The following APOL6 variants were observed in gnomAD, a reference collection of about 807,000 sequenced individuals.
APOL6 encodes apolipoprotein L, 6.
Under a neutral mutation model 2.4 loss-of-function variants are expected in APOL6, and 1 was observed. That is an observed-to-expected ratio of 0.41 (90% CI 0.15 to 1.94). APOL6 has a LOEUF of 1.94. APOL6 is among the 30% of genes most tolerant of loss of function. APOL6 has a pLI of 0.30. For synonymous variants in APOL6, 189 were observed against 169.3 expected (o/e 1.12, Z -0.90); for missense variants, 438 against 429.2 (o/e 1.02, Z -0.18).
At position 35,666,968 on chromosome 22, in the gene APOL6, A is replaced by T. The variant is rs1179420489; in HGVS notation, c.*7372A>T. 6.6e-6 allele frequency: 1 copy of T among 152,244 alleles called. No homozygotes were observed. The highest frequency in any genetic ancestry group is 2.1e-4 in the South Asian group (1 of 4,838). 9.4% of individuals were successfully genotyped at this position (152,244 alleles called of 1,614,324 possible). A position where few individuals can be genotyped will look rare whatever the true frequency, so the allele number is the denominator to read the frequency against. On this transcript the variant is annotated 3_prime_UTR_variant, in exon 3 of 3. Coordinates refer to ENST00000409652, the MANE Select transcript of APOL6 (RefSeq NM_030641.4). ...ATTCTTAACTTATGGTGATACAGTT[A>T]TTTGCATAAGTGCAATAAGAATCTG...
Position 35,666,238 on chromosome 22 carries a change from G to A in APOL6, c.*6642G>A, listed in dbSNP as rs1372131630. 2.0e-5 allele frequency: 3 copies of A among 151,782 alleles called. No homozygotes were observed. Among genetic ancestry groups the A allele is most frequent in the African/African-American group, 7.3e-5 (3 of 41,336 alleles). The allele number at this position is 151,782 out of a possible 1,614,324, so 9.4% of individuals were successfully genotyped here. The stretch of plus-strand genomic sequence containing the variant: ...CTGCCTTAAAACTTTTTTCTTCCAT[G>A]CACAATTGTTGTTTTGGTCCTCTTT... On this transcript the variant is annotated 3_prime_UTR_variant, in exon 3 of 3. Transcript: ENST00000409652.
chr22:35,648,929 A>G (rs1486548014), intron 1 of APOL6, among the ~76,000 whole-genome samples: 3 of 152,222 alleles, frequency 2.0e-5, no homozygotes, highest in African/African-American at 4.8e-5. Context: ...GCTTAGGCAG[A>G]GGGGACCTGG....
At chr22:35,649,416 C>G (rs2145951531) in intron 1 of APOL6, among the ~76,000 whole-genome samples, 1 of 140,862 alleles carries the variant, frequency 7.1e-6, no homozygotes, top group African/African-American at 2.7e-5. Flanking sequence ...CCAGCCTGGG[C>G]AACAGAGTGA....
At position 35,664,610 on chromosome 22, in the gene APOL6, T is replaced by C. The variant is rs1276283685; in HGVS notation, c.*5014T>C. ...CTTTAAATCATGACTATCACAGTTT[T>C]TATAAATAATCTAGGTAAACAATTA... On this transcript the variant is annotated 3_prime_UTR_variant, in exon 3 of 3. Transcript: ENST00000409652. The C allele has an allele frequency of 6.6e-6, 1 of 152,236 alleles. No individual in the cohort carries two copies. The highest frequency in any genetic ancestry group is 1.5e-5 in the Non-Finnish European group (1 of 68,036). The allele number at this position is 152,236 out of a possible 1,614,324, so 9.4% of individuals were successfully genotyped here.
chr22:35,659,288 GCCTTCTC>G lies in APOL6; in HGVS notation c.729_735del (p.Phe243LeufsTer15). ...TCGCGTGCTGGGAGGTGTGATGTCC[GCCTTCTC>G]CCTTGGCTATGACTTGGCCACTCTC... On this transcript the variant is annotated frameshift_variant, in exon 3 of 3. Transcript: ENST00000409652. LOFTEE classifies it low-confidence loss of function (END_TRUNC). 1 of 1,614,128 alleles carries G rather than the reference GCCTTCTC, an allele frequency of 6.2e-7. No homozygotes were observed. The highest frequency in any genetic ancestry group is 8.5e-7 in the Non-Finnish European group (1 of 1,180,022).
intron 1 of APOL6, among the ~76,000 whole-genome samples, chr22:35,652,476 C>T (rs973582728): frequency 3.3e-5 from 5 of 152,180 alleles, no homozygotes; most frequent in African/African-American, 4.8e-5. Flanking sequence ...TTGCCCATGC[C>T]TATGTCCTGA....
At chr22:35,650,801 G>A (rs1296976039) in intron 1 of APOL6, among the ~76,000 whole-genome samples, 1 of 151,952 alleles carries the variant, frequency 6.6e-6, no homozygotes, top group Admixed American at 6.6e-5. Context: ...GTGTTAGTAC[G>A]TGCCTGTAAT....
Position 35,659,702 on chromosome 22 carries a change from G to A in APOL6, c.*106G>A. ...CTGGACAGACCTCGGCATGCCTTCT[G>A]TTTCTCCTTCAATGCTCCTTAAGGC... On this transcript the variant is annotated 3_prime_UTR_variant, in exon 3 of 3. Transcript: ENST00000409652. 1 of 1,430,686 alleles carries A rather than the reference G, an allele frequency of 7.0e-7. No individual in the cohort carries two copies. The highest frequency in any genetic ancestry group is 9.2e-7 in the Non-Finnish European group (1 of 1,083,532). The allele number at this position is 1,430,686 out of a possible 1,614,324, so 88.6% of individuals were successfully genotyped here.
At chr22:35,655,032 T>C (rs755576313) in intron 1 of APOL6, among the ~76,000 whole-genome samples, 15 of 152,220 alleles carry the variant, frequency 9.9e-5, no homozygotes, top group Non-Finnish European at 2.1e-4. Flanking sequence ...CCTATTTATT[T>C]GTCTACCCAC....
intron 1 of APOL6, among the ~76,000 whole-genome samples, chr22:35,650,968 G>A (rs1251705127): frequency 6.6e-6 from 1 of 151,892 alleles, no homozygotes; most frequent in Non-Finnish European, 1.5e-5. Flanking sequence ...TAAAGAATTT[G>A]TGTCCCTTCA....
chr22:35,655,183 T>A (rs1426784074), intron 1 of APOL6, among the ~76,000 whole-genome samples: 1 of 152,228 alleles, frequency 6.6e-6, no homozygotes, highest in African/African-American at 2.4e-5. Flanking sequence ...CCCTGGTGTC[T>A]CCTACATACA....
At chr22:35,651,483 G>A (rs35439820) in intron 1 of APOL6, among the ~76,000 whole-genome samples, 9,231 of 152,170 alleles carry the variant, frequency 0.061, 371 homozygotes, top group Non-Finnish European at 0.091. Context: ...TGCCATGTTG[G>A]TGTGCTGCAC....
At chr22:35,652,245 GT>G in intron 1 of APOL6, among the ~76,000 whole-genome samples, 1 of 133,720 alleles carries the variant, frequency 7.5e-6, no homozygotes, top group East Asian at 2.2e-4. Flanking sequence ...TGATGGAGTT[GT>G]TTGTTTTTTT....
rs143400834 is a variant in APOL6 at position 35,654,563 on chromosome 22, T to TAC, written c.-47-1804_-47-1803dup. Among the ~76,000 whole-genome samples, 83 of 150,882 alleles carry TAC rather than the reference T, an allele frequency of 5.5e-4. 1 individual carries two copies. Among genetic ancestry groups the TAC allele is most frequent in the Non-Finnish European group, 2.5e-4 (17 of 67,742 alleles). On this transcript the variant is annotated intron_variant, in intron 1 of 2. Coordinates refer to ENST00000409652, the MANE Select transcript of APOL6 (RefSeq NM_030641.4). ...CTCTATATATATATATATGTATATA[T>TAC]ACACACACACACATACACACACATA...
chr22:35,664,252 G>A lies in APOL6; in HGVS notation c.*4656G>A, dbSNP rs1015193828. ...AAAACTATAAACCCAGCCCAAAACA[G>A]AATGATCTTTGCTTGTGTAATTTTT... On this transcript the variant is annotated 3_prime_UTR_variant, in exon 3 of 3. Coordinates refer to ENST00000409652, the MANE Select transcript of APOL6 (RefSeq NM_030641.4). 2 of 152,182 alleles carry A rather than the reference G, an allele frequency of 1.3e-5. No individual in the cohort carries two copies. Among genetic ancestry groups the A allele is most frequent in the Non-Finnish European group, 2.9e-5 (2 of 68,026 alleles). The allele number at this position is 152,182 out of a possible 1,614,324, so 9.4% of individuals were successfully genotyped here. A position where few individuals can be genotyped will look rare whatever the true frequency, so the allele number is the denominator to read the frequency against.
rs180730262 is a variant in APOL6, at chr22:35,664,482, G to A, written c.*4886G>A. 1.3e-5 allele frequency: 2 copies of A among 152,308 alleles called. No homozygotes were observed. Among genetic ancestry groups the A allele is most frequent in the East Asian group, 1.9e-4 (1 of 5,184 alleles). The allele number at this position is 152,308 out of a possible 1,614,324, so 9.4% of individuals were successfully genotyped here. ...CCAAAGTTCATTCGGCCTATGCCCA[G>A]GAATGAACAAGGACAGCTTGGAAGT... On this transcript the variant is annotated 3_prime_UTR_variant, in exon 3 of 3. Coordinates refer to ENST00000409652, the MANE Select transcript of APOL6 (RefSeq NM_030641.4).
chr22:35,656,627 G>A, intron 2 of APOL6, 152 bp downstream of exon 2: 1 of 875,328 alleles, frequency 1.1e-6, no homozygotes, highest in African/African-American at 1.7e-5. Context: ...ATGAAAATCT[G>A]TTCCCCTAGG....
chr22:35,658,737 A>G lies in APOL6; in HGVS notation c.173A>G (p.Asp58Gly), dbSNP rs1279059000. The G allele has an allele frequency of 1.9e-6, 3 of 1,614,202 alleles. No individual in the cohort carries two copies. The highest frequency in any genetic ancestry group is 2.5e-6 in the Non-Finnish European group (3 of 1,180,042). ...RLKEDLKGNIDKLRALADDID... is the reference protein window; with the variant it reads ...RLKEDLKGNIGKLRALADDID... ...AAAGAAGATCTGAAAGGGAACATTG[A>G]CAAGCTCCGTGCCCTCGCAGACGAT... Residue 58 changes from aspartate (D) to glycine (G), a missense_variant, in exon 3 of 3, where the codon GAC (aspartate) becomes GGC (glycine). Coordinates refer to ENST00000409652, the MANE Select transcript of APOL6 (RefSeq NM_030641.4).
chr22:35,651,329 C>T (rs542145031), intron 1 of APOL6, among the ~76,000 whole-genome samples: 70 of 152,240 alleles, frequency 4.6e-4, no homozygotes, highest in Admixed American at 3.2e-3. Context: ...TCTGACAGCA[C>T]GACTCTAATT....
Sources: allele counts gnomAD v4.1 joint callset (sites outside exome capture counted in the v4.1 genomes callset), GRCh38; gene constraint gnomAD v4.1.1; transcripts MANE v1.5; gene names NCBI Gene and HGNC (gene_info 2026-07-23, HGNC 2026-07-21).